The following FER variants were observed in gnomAD, a reference collection of about 807,000 sequenced individuals.
FER encodes the protein FER tyrosine kinase.
FER carries 63 observed loss-of-function variants against 111.0 expected under a neutral mutation model. The ratio of observed to expected loss-of-function variants is 0.57; its 90% CI spans 0.46 to 0.70. The LOEUF (loss-of-function observed/expected upper bound fraction) is 0.70, where lower values mean the gene tolerates loss of function less well. FER is among the 30% of genes least tolerant of loss of function. The probability of loss-of-function intolerance (pLI) is 0.00; values close to 1 mark genes in which losing one functional copy is unlikely to be tolerated. For missense variants in FER, 914 were observed against 954.0 expected (o/e 0.96, Z 0.55); for synonymous variants, 327 against 313.9 (o/e 1.04, Z -0.44).
In FER at chr5:108,835,769, A is replaced by T; in HGVS notation, c.443A>T (p.Asn148Ile). The T allele has an allele frequency of 6.4e-7, 1 of 1,567,256 alleles. No individual in the cohort carries two copies. Among genetic ancestry groups the T allele is most frequent in the Admixed American group, 2.2e-5 (1 of 46,092 alleles). The stretch of plus-strand genomic sequence containing the variant: ...TATAGACAATTAATAAAAGAAATGA[A>T]TTCTGCCAAAGAGAAATATAAAGAA... ...CSYRQLIKEM[N>I]SAKEKYKEAL... is the part of the protein sequence containing the mutation. Residue 148 changes from asparagine (N) to isoleucine (I), a missense_variant, in exon 5 of 20, where the codon AAT becomes ATT. Around this residue, in one of 3 missense-constraint regions of FER, gnomAD observed 774 missense variants for 782.6 expected, o/e 0.99. Transcript: ENST00000281092.
intron 13 of FER, among the ~76,000 whole-genome samples, chr5:109,000,313 A>G (rs1483485374): frequency 2.0e-5 from 3 of 151,462 alleles, no homozygotes; most frequent in Non-Finnish European, 2.9e-5. Context: ...TATTTAATAT[A>G]TAGAGTACAT....
At chr5:109,037,917 A>T (rs1174585104) in intron 14 of FER, among the ~76,000 whole-genome samples, 7 of 151,976 alleles carry the variant, frequency 4.6e-5, no homozygotes, top group Non-Finnish European at 5.9e-5. Flanking sequence ...TTGTATATAG[A>T]ATTACAGTAT....
Position 109,188,473 on chromosome 5 carries a change from G to T in FER, c.*898G>T, listed in dbSNP as rs1054311574. Reference sequence around the variant, plus strand: ...CAGTTGCTTTTCAAGGATGTACAGAGAGCTGTGAAGCAAGAAACAGATTTG... The same window carrying T: ...CAGTTGCTTTTCAAGGATGTACAGATAGCTGTGAAGCAAGAAACAGATTTG... On this transcript the variant is annotated 3_prime_UTR_variant, in exon 20 of 20. Coordinates refer to ENST00000281092, the MANE Select transcript of FER (RefSeq NM_005246.4). The T allele has an allele frequency of 6.6e-6, 1 of 151,516 alleles. No individual in the cohort carries two copies. Among genetic ancestry groups the T allele is most frequent in the African/African-American group, 2.4e-5 (1 of 41,284 alleles). 9.4% of individuals were successfully genotyped at this position (151,516 alleles called of 1,614,324 possible).
At chr5:108,794,220 T>C (rs1755726651) in intron 2 of FER, among the ~76,000 whole-genome samples, 1 of 151,366 alleles carries the variant, frequency 6.6e-6, no homozygotes, top group South Asian at 2.1e-4. Context: ...CCTTTTTTTT[T>C]TCTTTTTTTT....
At chr5:109,003,727 C>T (rs1185576387) in intron 13 of FER, among the ~76,000 whole-genome samples, 2 of 151,900 alleles carry the variant, frequency 1.3e-5, no homozygotes, top group African/African-American at 2.4e-5. Context: ...TACATGTAAT[C>T]CCAGCACTTT....
At chr5:108,781,718 C>T (rs557478688) in intron 2 of FER, among the ~76,000 whole-genome samples, 19 of 152,244 alleles carry the variant, frequency 1.2e-4, no homozygotes, top group East Asian at 5.8e-4. Context: ...ATCCCCGTCT[C>T]CCAAGGTAAG....
intron 13 of FER, among the ~76,000 whole-genome samples, chr5:109,006,707 A>T (rs373168994): frequency 2.6e-4 from 40 of 152,242 alleles, no homozygotes; most frequent in Middle Eastern, 6.8e-3. Context: ...TGTTATTTAC[A>T]TGTGATTTCT....
At chr5:108,921,340 G>T (rs1452152148) in intron 10 of FER, among the ~76,000 whole-genome samples, 3 of 152,012 alleles carry the variant, frequency 2.0e-5, no homozygotes, top group African/African-American at 7.2e-5. Flanking sequence ...ATTATGGTAT[G>T]TATGTATGTA....
At chr5:109,147,827 A>G (rs1582256729) in intron 17 of FER, among the ~76,000 whole-genome samples, 2 of 150,388 alleles carry the variant, frequency 1.3e-5, no homozygotes, top group South Asian at 4.2e-4. Flanking sequence ...AGAGAGAGAG[A>G]CAGAGACAGA....
At chr5:108,764,400 T>C (rs1752082613) in intron 1 of FER, among the ~76,000 whole-genome samples, 1 of 152,086 alleles carries the variant, frequency 6.6e-6, no homozygotes, top group Non-Finnish European at 1.5e-5. Context: ...TTTTATTATT[T>C]ATTTATTTAT....
chr5:109,014,857 T>C (rs1766834487), intron 13 of FER: 1 of 152,322 alleles, frequency 6.6e-6, no homozygotes. Flanking sequence ...GCTTAATGAA[T>C]TTGCGTGTCA....
At chr5:109,035,829 CT>C (rs1770312242) in intron 13 of FER, among the ~76,000 whole-genome samples, 1 of 152,116 alleles carries the variant, frequency 6.6e-6, no homozygotes, top group Non-Finnish European at 1.5e-5. Flanking sequence ...ATTTGTTAAT[CT>C]TTTTAATTTT....
chr5:109,003,272 T>G (rs375805782), intron 13 of FER, among the ~76,000 whole-genome samples: 9 of 151,914 alleles, frequency 5.9e-5, no homozygotes, highest in Non-Finnish European at 8.8e-5. Context: ...ATACACCATG[T>G]AATACTATGC....
chr5:109,098,226 A>G (rs1020729705), intron 16 of FER, among the ~76,000 whole-genome samples: 2 of 151,824 alleles, frequency 1.3e-5, no homozygotes, highest in Non-Finnish European at 2.9e-5. Flanking sequence ...GTTTATTAAT[A>G]TATTATGTAC....
rs771961137 is a variant in FER, at chr5:108,904,228, CAAAT to C, written c.1236+6386_1236+6389del. Among the ~76,000 whole-genome samples, 12 of 152,044 alleles carry C rather than the reference CAAAT, an allele frequency of 7.9e-5. No individual in the cohort carries two copies. The South Asian group carries it at 2.3e-3, about 29-fold the overall frequency. On this transcript the variant is annotated intron_variant, in intron 10 of 19. Coordinates refer to ENST00000281092, the MANE Select transcript of FER (RefSeq NM_005246.4). ...TTGGAGGGGACAGTGAATAAACAAA[CAAAT>C]AAATACATAGTATGTCACATGGTGG...
At position 109,002,257 on chromosome 5, in the gene FER, A is replaced by G. The variant is rs531637139; in HGVS notation, c.1657-35165A>G. ...GCTACAGTAACCAAAACAGCATGGG[A>G]CTGGTACCAAAGCGGAGATATAGAC... On this transcript the variant is annotated intron_variant, in intron 13 of 19. Coordinates refer to ENST00000281092, the MANE Select transcript of FER (RefSeq NM_005246.4). 7.6e-3 allele frequency among the ~76,000 whole-genome samples: 1,159 copies of G among 152,166 alleles called. 11 individuals are homozygous for G. The highest frequency in any genetic ancestry group is 0.027 in the African/African-American group (1,133 of 41,488).
At chr5:109,051,797 C>T in intron 16 of FER, 3 of 1,595,710 alleles carry the variant, frequency 1.9e-6, no homozygotes, top group Non-Finnish European at 1.7e-6. Flanking sequence ...ATATTCAAGG[C>T]CAGGGACACC....
rs1466802262 is a variant in FER at position 109,192,464 on chromosome 5, A to G, written c.*4889A>G. On this transcript the variant is annotated 3_prime_UTR_variant, in exon 20 of 20. Coordinates refer to ENST00000281092, the MANE Select transcript of FER (RefSeq NM_005246.4). ...AAATACCTCTCCTTGTGTTAGGAGC[A>G]CTGTTATATTCCCAGCTCAGAGATG... The G allele has an allele frequency of 6.6e-6, 1 of 152,134 alleles. No individual in the cohort carries two copies. The highest frequency in any genetic ancestry group is 6.6e-5 in the Admixed American group (1 of 15,258). 9.4% of individuals were successfully genotyped at this position (152,134 alleles called of 1,614,324 possible). A position where few individuals can be genotyped will look rare whatever the true frequency, so the allele number is the denominator to read the frequency against.
At chr5:108,845,949 C>T (rs1242943028) in intron 5 of FER, among the ~76,000 whole-genome samples, 1 of 152,130 alleles carries the variant, frequency 6.6e-6, no homozygotes, top group African/African-American at 2.4e-5. Flanking sequence ...CATAAAATCT[C>T]GCTAGTCATG....
Sources: gnomAD v4.1 joint callset for allele counts (sites outside exome capture counted in the v4.1 genomes callset) on GRCh38, gnomAD v4.1.1 for gene constraint, gnomAD v4.1.1 regional missense constraint, MANE v1.5 for transcripts, NCBI Gene and HGNC (gene_info 2026-07-23, HGNC 2026-07-21) for gene names.